ZZEF1: variants seen among roughly 807,000 people sequenced by gnomAD.
The protein encoded by ZZEF1 is zinc finger ZZ-type and EF-hand domain containing 1, also known as zinc finger ZZ-type and EF-hand domain-containing protein 1.
A neutral mutation model predicts 342.8 loss-of-function variants in ZZEF1; 157 were observed. The observed-to-expected ratio is 0.46, with a 90% CI of 0.40 to 0.52. The LOEUF is 0.52. Ranked by LOEUF, ZZEF1 falls within the 20% of genes least tolerant of loss-of-function variation. ZZEF1 has a pLI of 0.00. For synonymous variants in ZZEF1, 1,505 were observed against 1,429.1 expected (o/e 1.05, Z -1.20); for missense variants, 3,480 against 3,725.6 (o/e 0.93, Z 1.72).
chr17:4,088,442 G>A (rs117772475), intron 13 of ZZEF1, among the ~76,000 whole-genome samples: 174 of 152,212 alleles, frequency 1.1e-3, no homozygotes, highest in Non-Finnish European at 2.0e-3. Context: ...GGTCTACTCC[G>A]GGAGAAGCCA....
At chr17:4,107,818 G>A (rs1254269828) in intron 6 of ZZEF1, among the ~76,000 whole-genome samples, 1 of 152,234 alleles carries the variant, frequency 6.6e-6, no homozygotes, top group Non-Finnish European at 1.5e-5. Flanking sequence ...ACCGAGGTGG[G>A]TGGATCTCCA....
intron 2 of ZZEF1, among the ~76,000 whole-genome samples, chr17:4,122,803 G>A (rs928885753): frequency 6.6e-6 from 1 of 152,096 alleles, no homozygotes; most frequent in Non-Finnish European, 1.5e-5. Context: ...AGGTGAGTAT[G>A]GTACAGATAC....
intron 43 of ZZEF1, 82 bp from the exon 44 acceptor site, chr17:4,022,910 C>A (rs2056306861): frequency 6.5e-7 from 1 of 1,538,812 alleles, no homozygotes; most frequent in South Asian, 1.2e-5. Flanking sequence ...TCTGTTCATT[C>A]ACTCTTTCAT....
At chr17:4,083,878 T>G (rs1324389113) in intron 16 of ZZEF1, among the ~76,000 whole-genome samples, 1 of 152,216 alleles carries the variant, frequency 6.6e-6, no homozygotes, top group Non-Finnish European at 1.5e-5. Flanking sequence ...GCTGTTGCAT[T>G]AGAAACGCCT....
At position 4,050,915 on chromosome 17, in the gene ZZEF1, C is replaced by T. The variant is rs1293416646; in HGVS notation, c.5729G>A (p.Ser1910Asn). The change falls in exon 36 of 55, where the codon AGC becomes AAC. Residue 1910 changes from serine (S) to asparagine (N), a missense_variant. Around this residue, in one of 5 missense-constraint regions of ZZEF1, gnomAD observed 1,269 missense variants for 1,342.4 expected, o/e 0.95. Transcript: ENST00000381638. ...ATCCTCTGCACTGGCCAGGTGGGCG[C>T]TATAGAGAGCCAGGGCAGCAAAGAG... ...WLLFAALALYSAHLASAEDVD... is the reference protein window; with the variant it reads ...WLLFAALALYNAHLASAEDVD... 1.2e-6 allele frequency: 2 copies of T among 1,614,052 alleles called. No homozygotes were observed. Among genetic ancestry groups the T allele is most frequent in the East Asian group, 4.5e-5 (2 of 44,894 alleles).
Position 4,111,241 on chromosome 17 carries a change from A to T in ZZEF1, c.1066+1368T>A, listed in dbSNP as rs74782318. Among the ~76,000 whole-genome samples, 1,285 of 152,154 alleles carry T rather than the reference A, an allele frequency of 8.4e-3. 14 individuals carry two copies. Among genetic ancestry groups the T allele is most frequent in the African/African-American group, 0.03 (1,226 of 41,528 alleles). The stretch of plus-strand genomic sequence containing the variant: ...TACACACACTTACACACACAAATAC[A>T]CACACACACGGAAAGGTCTGCAAGG... On this transcript the variant is annotated intron_variant, in intron 5 of 54. Transcript: ENST00000381638.
rs1270122826 is a variant in ZZEF1 at position 4,075,318 on chromosome 17, G to C, written c.3346C>G (p.Pro1116Ala). The C allele has an allele frequency of 2.5e-6, 4 of 1,614,146 alleles. No individual in the cohort carries two copies. Among genetic ancestry groups the C allele is most frequent in the Non-Finnish European group, 3.4e-6 (4 of 1,180,028 alleles). Residue 1116 changes from proline (P) to alanine (A), a missense_variant, in exon 22 of 55, where the codon CCA becomes GCA. Coordinates refer to ENST00000381638, the MANE Select transcript of ZZEF1 (RefSeq NM_015113.4). The part of the protein sequence containing the change: ...NCHEVSVFVS[P>A]GATYFEVEFD... ...TCCACTTCAAAATAGGTTGCCCCTG[G>C]GCTAACAAAGACGGATACCTCATGG...
At position 4,014,137 on chromosome 17, in the gene ZZEF1, C is replaced by T; in HGVS notation, c.8366G>A (p.Gly2789Asp). 1 of 1,614,150 alleles carries T rather than the reference C, an allele frequency of 6.2e-7. No homozygotes were observed. The highest frequency in any genetic ancestry group is 1.1e-5 in the South Asian group (1 of 91,082). ...TCCGGCCGTCACGGTGAATCTGTAG[C>T]CCCACTCGGTGTTGCTCATGTCGGA... ...FTSDMSNTEW[G>D]YRFTVTAGHL... The change falls in exon 51 of 55, where the codon GGC becomes GAC. Residue 2789 changes from glycine (G) to aspartate (D), a missense_variant. Physicochemically the swap from Gly to Asp is moderately conservative, Grantham distance 94 (BLOSUM62 -1). Transcript: ENST00000381638. This position sits in a 1 kb window ranked among gnomAD's most constrained non-coding sequence, Gnocchi z 4.4.
Position 4,052,880 on chromosome 17 carries a change from G to C in ZZEF1, c.5435-744C>G, listed in dbSNP as rs1034900544. On this transcript the variant is annotated intron_variant, in intron 34 of 54. Coordinates refer to ENST00000381638, the MANE Select transcript of ZZEF1 (RefSeq NM_015113.4). ...AGACTTTGTCTCGGGAGGGCGGCGG[G>C]GGAGAAAAAACCAGACCCAGACCCA... Among the ~76,000 whole-genome samples, 6 of 151,590 alleles carry C rather than the reference G, an allele frequency of 4.0e-5. No homozygotes were observed. In the East Asian group the frequency reaches 9.7e-4, roughly 24 times the overall value.
chr17:4,090,666 A>T, intron 12 of ZZEF1, 53 bp downstream of exon 12: 2 of 1,472,776 alleles, frequency 1.4e-6, no homozygotes, highest in Non-Finnish European at 1.9e-6. Context: ...ATCACTACTC[A>T]AAAAACACAG....
Position 4,067,184 on chromosome 17 carries a change from T to G in ZZEF1, c.4134A>C (p.Ala1378=), listed in dbSNP as rs755913171. ...SEEFAQVYSL[A]DGIRIWMLEM... is the part of the protein sequence containing the mutation. ...TTACCATCCATATTCGAATCCCATCTGCCAAGGAATAAACCTGGGCAAACT... is the reference window on the plus strand; with the variant it reads ...TTACCATCCATATTCGAATCCCATCGGCCAAGGAATAAACCTGGGCAAACT... The change falls in exon 27 of 55, where the codon GCA becomes GCC. Residue 1378 remains alanine (A), a synonymous_variant. Transcript: ENST00000381638. The G allele has an allele frequency of 1.2e-6, 2 of 1,613,142 alleles. No individual in the cohort carries two copies. The highest frequency in any genetic ancestry group is 1.7e-5 in the Admixed American group (1 of 59,804).
Position 4,089,692 on chromosome 17 carries a change from T to C in ZZEF1, c.2026-799A>G, listed in dbSNP as rs62071001. On this transcript the variant is annotated intron_variant, in intron 12 of 54. Coordinates refer to ENST00000381638, the MANE Select transcript of ZZEF1 (RefSeq NM_015113.4). ...CTGAGGCGCCCTCCTCCACACACTGTAGCCTGGCTAAGGATGCTGTGTTCT... is the reference window on the plus strand; with the variant it reads ...CTGAGGCGCCCTCCTCCACACACTGCAGCCTGGCTAAGGATGCTGTGTTCT... Among the ~76,000 whole-genome samples, 660 of 95,468 alleles carry C rather than the reference T, an allele frequency of 6.9e-3. 35 individuals carry two copies. Among genetic ancestry groups the C allele is most frequent in the African/African-American group, 0.026 (636 of 24,156 alleles). The allele number at this position is 95,468 out of a possible 152,430, so 62.6% of individuals were successfully genotyped here. A position where few individuals can be genotyped will look rare whatever the true frequency, so the allele number is the denominator to read the frequency against.
chr17:4,062,793 A>C lies in ZZEF1; in HGVS notation c.4843T>G (p.Phe1615Val), dbSNP rs947467180. The change falls in exon 30 of 55, where the codon TTC becomes GTC. Residue 1615 changes from phenylalanine to valine, a missense_variant. This residue lies in a region of ZZEF1 where 1,528 missense variants were observed against 1,624.1 expected (regional missense o/e 0.94). Coordinates refer to ENST00000381638, the MANE Select transcript of ZZEF1 (RefSeq NM_015113.4). ...PHCFHPPFIL[F>V]LLELLTCQKD... ...TGACAGGTCAGAAGTTCCAACAGGA[A>C]AAGTATGAAAGGTGGATGGAAGCAG... 9.9e-6 allele frequency: 16 copies of C among 1,612,180 alleles called. No homozygotes were observed. The highest frequency in any genetic ancestry group is 1.4e-5 in the Non-Finnish European group (16 of 1,179,090).
rs1234467867 is a variant in ZZEF1, at chr17:4,049,767, A to G, written c.5956T>C (p.Ser1986Pro). ...ALPVTVPTGA[S>P]EEQLEKKAVQ... ...GCTTTCTTCTCTAGCTGCTCCTCTG[A>G]CGCTCCGGTGGGCACAGTGACTGGT... The change falls in exon 37 of 55, where the codon TCA becomes CCA. Residue 1986 changes from serine to proline, a missense_variant. Transcript: ENST00000381638. The G allele has an allele frequency of 6.2e-7, 1 of 1,614,068 alleles. No homozygotes were observed. Among genetic ancestry groups the G allele is most frequent in the East Asian group, 2.2e-5 (1 of 44,870 alleles).
In ZZEF1 at chr17:4,112,589, C is replaced by T; in HGVS notation, c.1066+20G>A. 1 of 1,613,076 alleles carries T rather than the reference C, an allele frequency of 6.2e-7. No individual in the cohort carries two copies. The highest frequency in any genetic ancestry group is 8.5e-7 in the Non-Finnish European group (1 of 1,179,204). The stretch of plus-strand genomic sequence containing the variant: ...CTACTCCCTTGCTTTTCCCTATCCC[C>T]TCAGTTCTGTTGGACTTACAGAGCT... On this transcript the variant is annotated intron_variant, in intron 5 of 54. Coordinates refer to ENST00000381638, the MANE Select transcript of ZZEF1 (RefSeq NM_015113.4).
rs542170600 is a variant in ZZEF1, at chr17:4,090,535, C to A, written c.2025+184G>T. 8.3e-4 allele frequency among the ~76,000 whole-genome samples: 126 copies of A among 152,374 alleles called. 1 individual carries two copies. Among genetic ancestry groups the A allele is most frequent in the African/African-American group, 2.9e-3 (120 of 41,576 alleles). On this transcript the variant is annotated intron_variant, in intron 12 of 54. Transcript: ENST00000381638. Reference sequence around the variant, plus strand: ...CCCCTGGTTGCCAACAGCTCTCTGTCTCTCCTTTTATCACAGCTCGTATCA... The same window carrying A: ...CCCCTGGTTGCCAACAGCTCTCTGTATCTCCTTTTATCACAGCTCGTATCA...
intron 1 of ZZEF1, among the ~76,000 whole-genome samples, chr17:4,131,649 A>G (rs909187142): frequency 6.6e-6 from 1 of 151,914 alleles, no homozygotes; most frequent in Non-Finnish European, 1.5e-5. Context: ...GCGTGGTGGT[A>G]TGCACCTGTA....
In ZZEF1 at chr17:4,008,939, G is replaced by A; in HGVS notation, c.8749C>T (p.Gln2917Ter). The change falls in exon 54 of 55, where the codon CAG (glutamine) becomes TAG (stop). Residue 2917 changes from glutamine (Q) to a stop codon, truncating the protein, a stop_gained. Coordinates refer to ENST00000381638, the MANE Select transcript of ZZEF1 (RefSeq NM_015113.4). LOFTEE classifies it high-confidence loss of function. This position sits in a 1 kb window ranked among gnomAD's most constrained non-coding sequence, Gnocchi z 4.2. ...GTGGTTAGGGCCAGCAGGTAATCCT[G>A]CAGCACGCCAAGCTCCTGCAGAGAG... ...ENRAQELGVL[Q>*]DYLLALTTDD... is the part of the protein sequence containing the mutation. 6.5e-7 allele frequency: 1 copy of A among 1,542,196 alleles called. No individual in the cohort carries two copies.
intron 3 of ZZEF1, among the ~76,000 whole-genome samples, chr17:4,116,692 C>A (rs2058399283): frequency 2.0e-5 from 3 of 152,162 alleles, no homozygotes. Flanking sequence ...ATTAAACCTG[C>A]AAAGGTGACC....
Sources: gnomAD v4.1 joint callset for allele counts (sites outside exome capture counted in the v4.1 genomes callset) on GRCh38, gnomAD v4.1.1 for gene constraint, gnomAD v4.1.1 regional missense constraint, Gnocchi (gnomAD v3.1) non-coding constraint, MANE v1.5 for transcripts, NCBI Gene and HGNC (gene_info 2026-07-23, HGNC 2026-07-21) for gene names.